Variants in WSCD2 observed in about 807,000 individuals in gnomAD.
WSCD2 encodes the protein WSC domain sialate O sulfotransferase 2, also known as sialate:O-sulfotransferase 2.
Under a neutral mutation model 55.7 loss-of-function variants are expected in WSCD2, and 28 were observed. That is an observed-to-expected ratio of 0.50 (90% CI 0.37 to 0.69). WSCD2 has a LOEUF of 0.69. WSCD2 is among the 30% of genes least tolerant of loss of function. The pLI is 0.00. For missense variants in WSCD2, 616 were observed against 762.1 expected (o/e 0.81, Z 2.26); for synonymous variants, 301 against 301.9 (o/e 1.00, Z 0.03).
At chr12:108,134,880 C>A (rs1030250026) in intron 1 of WSCD2, among the ~76,000 whole-genome samples, 1 of 152,188 alleles carries the variant, frequency 6.6e-6, no homozygotes, top group African/African-American at 2.4e-5. Context: ...CCAGGTGACA[C>A]AGCTCAGAAG....
chr12:108,173,290 C>T (rs538315369), intron 1 of WSCD2, among the ~76,000 whole-genome samples: 1 of 152,346 alleles, frequency 6.6e-6, no homozygotes, highest in Non-Finnish European at 1.5e-5. Context: ...GGTGCGGAGC[C>T]TCAGAGTGGC....
intron 1 of WSCD2, among the ~76,000 whole-genome samples, chr12:108,146,762 C>G (rs1229859184): frequency 6.6e-6 from 1 of 152,188 alleles, no homozygotes; most frequent in Non-Finnish European, 1.5e-5. Flanking sequence ...ACCTCCCTTT[C>G]TGCACAGACT....
chr12:108,209,815 T>A (rs976290151), intron 3 of WSCD2, among the ~76,000 whole-genome samples: 1 of 151,974 alleles, frequency 6.6e-6, no homozygotes, highest in Non-Finnish European at 1.5e-5. Context: ...CCTCAGGGTC[T>A]CCCCTGCCCT....
chr12:108,227,227 G>T, intron 6 of WSCD2, 63 bp downstream of exon 6: 2 of 1,547,850 alleles, frequency 1.3e-6, no homozygotes, highest in South Asian at 1.3e-5. Flanking sequence ...TCCCAGACGT[G>T]TTCCTGCCAG....
Position 108,247,975 on chromosome 12 carries a change from T to G in WSCD2, c.1346-16T>G. The stretch of plus-strand genomic sequence containing the variant: ...TCCTCCTCCCTCTGACTGTGTCCTT[T>G]CTCCTCTCTCTGCAGAGTGGCCAGA... On this transcript the variant is annotated splice_polypyrimidine_tract_variant and intron_variant, in intron 8 of 8. Coordinates refer to ENST00000547525, the MANE Select transcript of WSCD2 (RefSeq NM_014653.4). The G allele has an allele frequency of 6.2e-7, 1 of 1,604,178 alleles. No homozygotes were observed. Among genetic ancestry groups the G allele is most frequent in the Non-Finnish European group, 8.5e-7 (1 of 1,172,974 alleles).
At chr12:108,135,571 C>T (rs1226754190) in intron 1 of WSCD2, among the ~76,000 whole-genome samples, 1 of 152,138 alleles carries the variant, frequency 6.6e-6, no homozygotes, top group Non-Finnish European at 1.5e-5. Context: ...ACTACCAGAG[C>T]AATGCAGAGA....
At chr12:108,156,628 G>A (rs560516869) in intron 1 of WSCD2, among the ~76,000 whole-genome samples, 17 of 152,100 alleles carry the variant, frequency 1.1e-4, no homozygotes, top group Non-Finnish European at 2.5e-4. Context: ...GTGGGTTGTG[G>A]GTATCAAGAA....
chr12:108,212,860 T>C (rs992591571), intron 4 of WSCD2, among the ~76,000 whole-genome samples: 3 of 152,004 alleles, frequency 2.0e-5, no homozygotes, highest in African/African-American at 7.3e-5. Flanking sequence ...GAGAGTGGAG[T>C]CCTGGATTCT....
At chr12:108,196,253 A>G in intron 2 of WSCD2, 39 bp downstream of exon 2, 12 of 1,555,736 alleles carry the variant, frequency 7.7e-6, no homozygotes, top group Non-Finnish European at 1.0e-5. Flanking sequence ...GGGGCTGGGG[A>G]GAAGGGAGGA....
chr12:108,214,312 T>C (rs1408840844), intron 4 of WSCD2, among the ~76,000 whole-genome samples: 1 of 152,230 alleles, frequency 6.6e-6, no homozygotes, highest in African/African-American at 2.4e-5. Context: ...GATGCCAGCC[T>C]ACGTGTTTCT....
At chr12:108,182,019 C>T (rs1321371261) in intron 1 of WSCD2, among the ~76,000 whole-genome samples, 1 of 152,214 alleles carries the variant, frequency 6.6e-6, no homozygotes, top group Admixed American at 6.5e-5. Context: ...TGTTAAGTGA[C>T]AAGCCAAGAT....
rs111279568 is a variant in WSCD2, at chr12:108,161,917, A to G, written c.-552+31991A>G. Reference sequence around the variant, plus strand: ...AAGCTCCACCTGATCAGAATAACGAATGAGACCCCTCACATGCAGATTTTA... The same window carrying G: ...AAGCTCCACCTGATCAGAATAACGAGTGAGACCCCTCACATGCAGATTTTA... On this transcript the variant is annotated intron_variant, in intron 1 of 8. Coordinates refer to ENST00000547525, the MANE Select transcript of WSCD2 (RefSeq NM_014653.4). Among the ~76,000 whole-genome samples, 972 of 152,294 alleles carry G rather than the reference A, an allele frequency of 6.4e-3. 6 individuals are homozygous for G. Among genetic ancestry groups the G allele is most frequent in the Non-Finnish European group, 8.3e-3 (564 of 68,026 alleles).
chr12:108,196,315 A>T, intron 2 of WSCD2, 101 bp downstream of exon 2: 1 of 1,425,770 alleles, frequency 7.0e-7, no homozygotes, highest in Non-Finnish European at 9.3e-7. Flanking sequence ...AATAGGAACC[A>T]GCTGTCATAT....
At chr12:108,159,221 CA>C (rs1878822777) in intron 1 of WSCD2, among the ~76,000 whole-genome samples, 1 of 152,192 alleles carries the variant, frequency 6.6e-6, no homozygotes, top group African/African-American at 2.4e-5. Flanking sequence ...CCTCCTTCTC[CA>C]GCTGACTCTC....
At chr12:108,212,613 T>TCTCACACA (rs1310160261) in intron 4 of WSCD2, among the ~76,000 whole-genome samples, 10 of 138,546 alleles carry the variant, frequency 7.2e-5, no homozygotes, top group Non-Finnish European at 1.4e-4. Context: ...TCTCTCTCTC[T>TCTCACACA]CACACACACA....
chr12:108,143,572 G>A (rs1211259667), intron 1 of WSCD2, among the ~76,000 whole-genome samples: 1 of 152,210 alleles, frequency 6.6e-6, no homozygotes, highest in Non-Finnish European at 1.5e-5. Flanking sequence ...AGGCATGCAA[G>A]GTACTTAGCA....
At chr12:108,240,669 A>T in intron 8 of WSCD2, 125 bp downstream of exon 8, 3 of 1,165,326 alleles carry the variant, frequency 2.6e-6, no homozygotes, top group South Asian at 3.1e-5. Context: ...GGAACCCTGG[A>T]GGACATCCTG....
At chr12:108,226,623 C>T (rs953579535) in intron 5 of WSCD2, among the ~76,000 whole-genome samples, 1 of 152,092 alleles carries the variant, frequency 6.6e-6, no homozygotes, top group African/African-American at 2.4e-5. Context: ...GGCCAGAGTG[C>T]CTAGGTAGAA....
At chr12:108,240,683 GGC>G in intron 8 of WSCD2, 139 bp downstream of exon 8, 1 of 1,018,190 alleles carries the variant, frequency 9.8e-7, no homozygotes, top group Non-Finnish European at 1.4e-6. Flanking sequence ...CATCCTGGAG[GGC>G]GCGTGTCATG....
Sources: allele counts gnomAD v4.1 joint callset (sites outside exome capture counted in the v4.1 genomes callset), GRCh38; gene constraint gnomAD v4.1.1; transcripts MANE v1.5; gene names NCBI Gene and HGNC (gene_info 2026-07-23, HGNC 2026-07-21).